Variants in HPSE2 observed in about 807,000 individuals in gnomAD.
HPSE2 encodes the protein inactive heparanase-2.
Under a neutral mutation model 60.5 loss-of-function variants are expected in HPSE2, and 38 were observed. That is an observed-to-expected ratio of 0.63 (90% CI 0.48 to 0.82). The LOEUF (loss-of-function observed/expected upper bound fraction) is 0.82. Ranked by LOEUF, HPSE2 falls within the 40% of genes least tolerant of loss-of-function variation. HPSE2 has a pLI of 0.00. For missense variants in HPSE2, 713 were observed against 740.4 expected, an observed-to-expected ratio of 0.96 and a Z score of 0.43; for synonymous variants, 295 against 293.2, an observed-to-expected ratio of 1.01 and a Z score of -0.06.
chr10:98,788,751 T>C (rs1406909332), intron 3 of HPSE2, among the ~76,000 whole-genome samples: 3 of 151,606 alleles, frequency 2.0e-5, no homozygotes, highest in Non-Finnish European at 2.9e-5. Context: ...GAAAGGGAAC[T>C]CCCTGACCCC....
intron 6 of HPSE2, among the ~76,000 whole-genome samples, chr10:98,642,185 C>G (rs531830730): frequency 6.6e-6 from 1 of 152,108 alleles, no homozygotes; most frequent in Non-Finnish European, 1.5e-5. Context: ...CGTGAAACCC[C>G]ATTGCTTACT....
intron 4 of HPSE2, among the ~76,000 whole-genome samples, chr10:98,729,356 T>A (rs1329900772): frequency 1.3e-5 from 2 of 152,148 alleles, no homozygotes; most frequent in Non-Finnish European, 2.9e-5. Flanking sequence ...ACACCTGTAA[T>A]CTCAGCACTT....
At chr10:98,993,108 G>A (rs1956564377) in intron 3 of HPSE2, among the ~76,000 whole-genome samples, 1 of 152,280 alleles carries the variant, frequency 6.6e-6, no homozygotes, top group South Asian at 2.1e-4. Flanking sequence ...AATTTAGGCT[G>A]TAAAATTCCT....
intron 4 of HPSE2, among the ~76,000 whole-genome samples, chr10:98,731,281 A>AAAC (rs34235958): frequency 0.15 from 22,248 of 151,836 alleles, 1,971 homozygotes; most frequent in Admixed American, 0.23. Flanking sequence ...CCTTTCTCAA[A>AAAC]AACAACAACA....
intron 3 of HPSE2, among the ~76,000 whole-genome samples, chr10:98,841,252 C>G (rs1951906787): frequency 6.6e-6 from 1 of 152,126 alleles, no homozygotes. Context: ...GCAAGAGACG[C>G]TGTCTCAACA....
intron 3 of HPSE2, among the ~76,000 whole-genome samples, chr10:98,816,015 C>T: frequency 1.0e-5 from 1 of 100,452 alleles, no homozygotes; most frequent in Non-Finnish European, 1.8e-5. Flanking sequence ...CATCACACAC[C>T]AGGGACTGTT....
chr10:98,882,897 A>G (rs1368166008), intron 3 of HPSE2, among the ~76,000 whole-genome samples: 3 of 152,162 alleles, frequency 2.0e-5, no homozygotes, highest in Admixed American at 6.6e-5. Context: ...AGAGGAGATA[A>G]TAACTATGCA....
intron 7 of HPSE2, among the ~76,000 whole-genome samples, chr10:98,622,731 T>C (rs1946106011): frequency 6.6e-6 from 1 of 152,188 alleles, no homozygotes; most frequent in South Asian, 2.1e-4. Context: ...TTAACGGTGG[T>C]GGTCAATAGC....
chr10:99,049,359 A>G (rs1255037383), intron 3 of HPSE2, among the ~76,000 whole-genome samples: 2 of 152,220 alleles, frequency 1.3e-5, no homozygotes, highest in Non-Finnish European at 2.9e-5. Flanking sequence ...AAATATTTGA[A>G]GAAACAGGGG....
At chr10:98,802,863 A>G (rs1315853075) in intron 3 of HPSE2, among the ~76,000 whole-genome samples, 38 of 145,304 alleles carry the variant, frequency 2.6e-4, no homozygotes, top group Admixed American at 1.8e-3. Flanking sequence ...GTCAAATGGT[A>G]TTTCTAGTTC....
intron 3 of HPSE2, among the ~76,000 whole-genome samples, chr10:98,781,191 T>C (rs938265741): frequency 9.2e-5 from 14 of 152,078 alleles, no homozygotes; most frequent in Middle Eastern, 3.4e-3. Flanking sequence ...CAGCATAGCA[T>C]AGCTTATTTT....
chr10:98,624,240 C>T (rs951510588), intron 7 of HPSE2, among the ~76,000 whole-genome samples: 2 of 152,096 alleles, frequency 1.3e-5, no homozygotes, highest in African/African-American at 4.8e-5. Context: ...AACAGAGTAA[C>T]ACGGTAGAGA....
intron 3 of HPSE2, among the ~76,000 whole-genome samples, chr10:99,114,970 T>C (rs1184397956): frequency 6.6e-6 from 1 of 151,868 alleles, no homozygotes; most frequent in Non-Finnish European, 1.5e-5. Flanking sequence ...ATCCTTTAGT[T>C]TTTTTTGTTT....
At chr10:98,657,451 A>G (rs1241767029) in intron 6 of HPSE2, among the ~76,000 whole-genome samples, 1 of 150,944 alleles carries the variant, frequency 6.6e-6, no homozygotes, top group East Asian at 2.0e-4. Context: ...GTGCTTCAAC[A>G]CCCCCCGCCC....
In HPSE2 at chr10:99,122,291, T is replaced by C. The variant is rs182258280; in HGVS notation, c.610+21947A>G. On this transcript the variant is annotated intron_variant, in intron 3 of 11. Coordinates refer to ENST00000370552, the MANE Select transcript of HPSE2 (RefSeq NM_021828.5). The stretch of plus-strand genomic sequence containing the variant: ...ACATTAAATAATAAAGTTATTTGCA[T>C]TTAAATCATGTGAAAAGCAGCTATC... Among the ~76,000 whole-genome samples, 217 of 152,156 alleles carry C rather than the reference T, an allele frequency of 1.4e-3. 3 individuals are homozygous for C. The highest frequency in any genetic ancestry group is 4.9e-3 in the African/African-American group (204 of 41,574).
intron 6 of HPSE2, among the ~76,000 whole-genome samples, chr10:98,675,612 C>T (rs956071747): frequency 3.3e-5 from 5 of 151,658 alleles, no homozygotes; most frequent in Admixed American, 2.6e-4. Context: ...CCTGTCATCC[C>T]AGCTACTTGG....
chr10:98,511,570 GTGTGTGTGTGTGTGTGTGTGTGTGTGTT>G (rs1486379870), intron 9 of HPSE2, among the ~76,000 whole-genome samples: 5 of 68,526 alleles, frequency 7.3e-5, no homozygotes, highest in Non-Finnish European at 1.7e-4. Flanking sequence ...GTGTGTGTGT[GTGTGTGTGTGTGTGTGTGTGTGTGTGTT>G]TGTGTGTGTG....
chr10:98,911,273 A>G (rs1953971521), intron 3 of HPSE2, among the ~76,000 whole-genome samples: 2 of 152,210 alleles, frequency 1.3e-5, no homozygotes, highest in African/African-American at 4.8e-5. Flanking sequence ...GCAGGAGATA[A>G]GTACAAAGAA....
intron 9 of HPSE2, among the ~76,000 whole-genome samples, chr10:98,562,647 A>G (rs10748740): frequency 0.85 from 127,622 of 150,114 alleles, 55,508 homozygotes; most frequent in East Asian, 1. Flanking sequence ...CCCGGGAGAC[A>G]GAACTTGCAG....
Sources: allele counts gnomAD v4.1 joint callset (sites outside exome capture counted in the v4.1 genomes callset), GRCh38; gene constraint gnomAD v4.1.1; transcripts MANE v1.5; gene names NCBI Gene and HGNC (gene_info 2026-07-23, HGNC 2026-07-21).